Variants in NIBAN1 observed in about 807,000 individuals in gnomAD.
The protein encoded by NIBAN1 is niban apoptosis regulator 1.
NIBAN1 carries 81 observed loss-of-function variants against 75.1 expected under a neutral mutation model. The ratio of observed to expected loss-of-function variants is 1.08; its 90% CI spans 0.90 to 1.30. The LOEUF is 1.30. NIBAN1 is among the 50% of genes most tolerant of loss of function. The pLI is 0.00. For missense variants in NIBAN1, 1,133 were observed against 1,128.1 expected (o/e 1.00, Z -0.06); for synonymous variants, 436 against 424.8 (o/e 1.03, Z -0.32).
At chr1:184,921,888 G>C (rs554487628) in intron 1 of NIBAN1, among the ~76,000 whole-genome samples, 1 of 152,248 alleles carries the variant, frequency 6.6e-6, no homozygotes, top group South Asian at 2.1e-4. Context: ...CTTTAAAGAA[G>C]CAGTAATTGT....
At chr1:184,796,464 T>A (rs1312467995) in intron 13 of NIBAN1, among the ~76,000 whole-genome samples, 1 of 152,200 alleles carries the variant, frequency 6.6e-6, no homozygotes, top group Non-Finnish European at 1.5e-5. Context: ...GGCTCCAGTT[T>A]GTCCACCTGG....
At chr1:184,933,357 C>G (rs1388626519) in intron 1 of NIBAN1, among the ~76,000 whole-genome samples, 1 of 152,208 alleles carries the variant, frequency 6.6e-6, no homozygotes, top group Non-Finnish European at 1.5e-5. Flanking sequence ...GAGGAGCCAC[C>G]AGTCTGACCT....
chr1:184,939,187 A>G (rs1658030770), intron 1 of NIBAN1, among the ~76,000 whole-genome samples: 1 of 152,246 alleles, frequency 6.6e-6, no homozygotes, highest in African/African-American at 2.4e-5. Flanking sequence ...CACAAAGGTG[A>G]GATACAGCAT....
At chr1:184,906,682 C>A (rs1255898685) in intron 1 of NIBAN1, among the ~76,000 whole-genome samples, 1 of 152,102 alleles carries the variant, frequency 6.6e-6, no homozygotes, top group East Asian at 1.9e-4. Flanking sequence ...CAAGTTAATT[C>A]TTTTCAAGCT....
At chr1:184,942,216 T>C (rs1658107205) in intron 1 of NIBAN1, among the ~76,000 whole-genome samples, 1 of 152,222 alleles carries the variant, frequency 6.6e-6, no homozygotes, top group Non-Finnish European at 1.5e-5. Context: ...AGAAACACAA[T>C]AATAAACTAT....
At chr1:184,806,907 AC>A (rs1654214619) in intron 10 of NIBAN1, among the ~76,000 whole-genome samples, 1 of 151,822 alleles carries the variant, frequency 6.6e-6, no homozygotes, top group Non-Finnish European at 1.5e-5. Flanking sequence ...AGCTGGGACT[AC>A]AGGTGTGCAC....
In NIBAN1 at chr1:184,913,137, G is replaced by GTATATATATATATATATATGA. The variant is rs56098797; in HGVS notation, c.56-13829_56-13828insTCATATATATATATATATATA. ...TATATATGCCTTGCATATCATGCAG[G>GTATATATATATATATATATGA]TATATATATATATATATTATATATA... On this transcript the variant is annotated intron_variant, in intron 1 of 13. Coordinates refer to ENST00000367511, the MANE Select transcript of NIBAN1 (RefSeq NM_052966.4). 3.7e-3 allele frequency among the ~76,000 whole-genome samples: 406 copies of GTATATATATATATATATATGA among 109,736 alleles called. 5 individuals are homozygous for GTATATATATATATATATATGA. Among genetic ancestry groups the GTATATATATATATATATATGA allele is most frequent in the Admixed American group, 6.4e-3 (67 of 10,488 alleles). The allele number at this position is 109,736 out of a possible 152,430, so 72.0% of individuals were successfully genotyped here. A position where few individuals can be genotyped will look rare whatever the true frequency, so the allele number is the denominator to read the frequency against.
chr1:184,945,990 G>A (rs1376702159), intron 1 of NIBAN1, among the ~76,000 whole-genome samples: 1 of 140,034 alleles, frequency 7.1e-6, no homozygotes, highest in South Asian at 2.3e-4. Context: ...ATTTCAAAGC[G>A]CTGGGATTAA....
chr1:184,913,770 G>A (rs1199136886), intron 1 of NIBAN1, among the ~76,000 whole-genome samples: 2 of 152,166 alleles, frequency 1.3e-5, no homozygotes, highest in Admixed American at 1.3e-4. Context: ...AGACATAAGA[G>A]CAACTGTTAT....
intron 5 of NIBAN1, among the ~76,000 whole-genome samples, chr1:184,869,120 A>T (rs1656032390): frequency 6.6e-6 from 1 of 152,150 alleles, no homozygotes; most frequent in African/African-American, 2.4e-5. Flanking sequence ...AGGGAAACAG[A>T]CTAAATAATT....
chr1:184,966,811 T>C (rs1658797622), intron 1 of NIBAN1, among the ~76,000 whole-genome samples: 1 of 152,212 alleles, frequency 6.6e-6, no homozygotes, highest in South Asian at 2.1e-4. Context: ...TGGTTTGGCA[T>C]AGAGACATTT....
At chr1:184,913,953 C>A (rs556287277) in intron 1 of NIBAN1, among the ~76,000 whole-genome samples, 1 of 152,258 alleles carries the variant, frequency 6.6e-6, no homozygotes, top group Non-Finnish European at 1.5e-5. Context: ...AATATGGTAC[C>A]ATTAATGGTT....
intron 5 of NIBAN1, among the ~76,000 whole-genome samples, chr1:184,832,580 T>C (rs1014234069): frequency 3.3e-5 from 5 of 152,188 alleles, no homozygotes; most frequent in African/African-American, 1.2e-4. Context: ...CACAGAAAGA[T>C]GAATTAATTG....
At chr1:184,949,359 A>G (rs1444959866) in intron 1 of NIBAN1, among the ~76,000 whole-genome samples, 1 of 152,260 alleles carries the variant, frequency 6.6e-6, no homozygotes, top group Admixed American at 6.5e-5. Context: ...CTCCGTCTCA[A>G]AAAATAAATA....
intron 5 of NIBAN1, among the ~76,000 whole-genome samples, chr1:184,863,258 T>A (rs1395442049): frequency 6.6e-6 from 1 of 152,188 alleles, no homozygotes; most frequent in Admixed American, 6.5e-5. Context: ...GATACCTTAT[T>A]CTTAGGACAA....
intron 5 of NIBAN1, among the ~76,000 whole-genome samples, chr1:184,834,171 C>T (rs1290578128): frequency 6.6e-6 from 1 of 152,172 alleles, no homozygotes; most frequent in Non-Finnish European, 1.5e-5. Flanking sequence ...ATCCATGTCC[C>T]TGCAAAGGAC....
At chr1:184,799,207 A>C (rs1347216208) in intron 12 of NIBAN1, among the ~76,000 whole-genome samples, 5 of 146,016 alleles carry the variant, frequency 3.4e-5, no homozygotes, top group Admixed American at 6.9e-5. Flanking sequence ...CCCACCCCAC[A>C]ACAGTCCCCA....
chr1:184,804,609 C>T (rs987315563), intron 11 of NIBAN1, among the ~76,000 whole-genome samples: 13 of 152,156 alleles, frequency 8.5e-5, no homozygotes, highest in Non-Finnish European at 1.5e-4. Flanking sequence ...ACTAAAGGCA[C>T]TCAAAATCTC....
chr1:184,842,694 A>G (rs971845610), intron 5 of NIBAN1, among the ~76,000 whole-genome samples: 2 of 113,838 alleles, frequency 1.8e-5, no homozygotes, highest in Non-Finnish European at 3.9e-5. Flanking sequence ...CGGAGGTTGC[A>G]GTGAGCCGAG....
Sources: gnomAD v4.1 joint callset for allele counts (sites outside exome capture counted in the v4.1 genomes callset) on GRCh38, gnomAD v4.1.1 for gene constraint, MANE v1.5 for transcripts, NCBI Gene and HGNC (gene_info 2026-07-23, HGNC 2026-07-21) for gene names.